Variants in DUT observed in about 807,000 individuals in gnomAD.
DUT encodes deoxyuridine 5'-triphosphate nucleotidohydrolase, mitochondrial.
Under a neutral mutation model 28.8 loss-of-function variants are expected in DUT, and 21 were observed. The observed-to-expected ratio is 0.73, with a 90% CI of 0.52 to 1.05. DUT has a LOEUF of 1.05. Among genes scored for constraint, DUT ranks in the 50% least tolerant of loss-of-function variants. DUT has a pLI of 0.00. For synonymous variants in DUT, 147 were observed against 143.7 expected (o/e 1.02, Z -0.17); for missense variants, 344 against 351.8 (o/e 0.98, Z 0.18).
intron 2 of DUT, among the ~76,000 whole-genome samples, chr15:48,332,962 C>T (rs985236964): frequency 1.3e-5 from 2 of 152,168 alleles, no homozygotes; most frequent in African/African-American, 2.4e-5. Flanking sequence ...GTCCTCACAA[C>T]AATCCTTAAC....
At chr15:48,332,219 C>T in intron 1 of DUT, 49 bp from the exon 2 acceptor site, 1 of 1,549,016 alleles carries the variant, frequency 6.5e-7, no homozygotes, top group Non-Finnish European at 8.7e-7. Context: ...CCTCTTCCCC[C>T]GGTGGTCTCC....
chr15:48,331,886 T>C (rs1443450031), intron 1 of DUT, 91 bp downstream of exon 1: 9 of 82,416 alleles, frequency 1.1e-4, no homozygotes, highest in East Asian at 2.9e-4. Context: ...GCGGTCCTTC[T>C]GCGCGCGGGG....
intron 2 of DUT, chr15:48,332,710 T>G (rs1293178182): frequency 8.4e-6 from 5 of 591,800 alleles, no homozygotes; most frequent in South Asian, 6.1e-5. Context: ...GGCCCGAGGG[T>G]GATGCTGTGC....
chr15:48,337,066 C>T (rs1371319752), intron 4 of DUT, among the ~76,000 whole-genome samples: 1 of 152,194 alleles, frequency 6.6e-6, no homozygotes, highest in African/African-American at 2.4e-5. Context: ...TATCCTAGAC[C>T]TGCCCCTTAG....
At chr15:48,335,816 T>G (rs2042469167) in intron 3 of DUT, among the ~76,000 whole-genome samples, 1 of 152,222 alleles carries the variant, frequency 6.6e-6, no homozygotes, top group East Asian at 1.9e-4. Context: ...TGGGAGTGGT[T>G]TAAGTTAGTT....
At chr15:48,332,222 T>C (rs1258896995) in intron 1 of DUT, 46 bp from the exon 2 acceptor site, 10 of 1,551,434 alleles carry the variant, frequency 6.4e-6, no homozygotes, top group African/African-American at 1.4e-5. Context: ...CTTCCCCCGG[T>C]GGTCTCCTCG....
chr15:48,342,325 T>C lies in DUT; in HGVS notation c.*247T>C. The C allele has an allele frequency of 3.9e-6, 1 of 258,938 alleles. No individual in the cohort carries two copies. Among genetic ancestry groups the C allele is most frequent in the Non-Finnish European group, 7.1e-6 (1 of 139,910 alleles). 16.0% of individuals were successfully genotyped at this position (258,938 alleles called of 1,614,324 possible). A position where few individuals can be genotyped will look rare whatever the true frequency, so the allele number is the denominator to read the frequency against. Reference sequence around the variant, plus strand: ...TTTTTCCGCAATTGAAGGTTGTATGTAAATCTGCTTTGTGGTGACCTGATG... The same window carrying C: ...TTTTTCCGCAATTGAAGGTTGTATGCAAATCTGCTTTGTGGTGACCTGATG... On this transcript the variant is annotated 3_prime_UTR_variant, in exon 7 of 7. Transcript: ENST00000331200.
At chr15:48,341,199 A>G in intron 4 of DUT, 90 bp from the exon 5 acceptor site, 1 of 757,608 alleles carries the variant, frequency 1.3e-6, no homozygotes. Context: ...TACAAATCTC[A>G]GAGCTACATG....
At chr15:48,335,916 C>A in intron 3 of DUT, 130 bp from the exon 4 acceptor site, 2 of 707,776 alleles carry the variant, frequency 2.8e-6, no homozygotes, top group South Asian at 1.9e-5. Context: ...AATTCAAAAC[C>A]ATGTGCTAAA....
intron 4 of DUT, among the ~76,000 whole-genome samples, chr15:48,337,293 C>T (rs1482294965): frequency 2.0e-5 from 3 of 152,136 alleles, no homozygotes; most frequent in African/African-American, 7.2e-5. Flanking sequence ...CAACTGTGGT[C>T]ATTTTGGGAC....
intron 4 of DUT, among the ~76,000 whole-genome samples, chr15:48,338,480 G>A (rs1038967625): frequency 3.3e-5 from 5 of 151,744 alleles, no homozygotes; most frequent in Admixed American, 6.6e-5. Context: ...GAACAAATGA[G>A]AAAAAAACAT....
intron 2 of DUT, 110 bp from the exon 3 acceptor site, chr15:48,334,307 A>G (rs775083161): frequency 1.5e-4 from 91 of 606,474 alleles, no homozygotes; most frequent in Admixed American, 6.4e-4. Flanking sequence ...CTAAAGTTGC[A>G]TTAATTCATT....
chr15:48,338,206 A>G (rs911721549), intron 4 of DUT, among the ~76,000 whole-genome samples: 2 of 151,954 alleles, frequency 1.3e-5, no homozygotes, highest in African/African-American at 2.4e-5. Flanking sequence ...AAAAAAAACT[A>G]TTGAGGGCCT....
upstream of DUT, chr15:48,331,191 G>A (rs755054857): frequency 1.2e-5 from 18 of 1,520,698 alleles, no homozygotes; most frequent in South Asian, 1.2e-5. Flanking sequence ...TGCCGCCCCA[G>A]GTAAATCAGT....
At chr15:48,341,625 C>T (rs1368209254) in intron 6 of DUT, 40 bp downstream of exon 6, 2 of 1,459,350 alleles carry the variant, frequency 1.4e-6, no homozygotes, top group Admixed American at 1.7e-5. Flanking sequence ...AGTAATATAA[C>T]ATCTTAAGTG....
chr15:48,341,229 C>T (rs2042530327), intron 4 of DUT, 60 bp from the exon 5 acceptor site: 1 of 993,828 alleles, frequency 1.0e-6, no homozygotes, highest in African/African-American at 1.6e-5. Context: ...TTGAGATAAT[C>T]TTACACCTCT....
chr15:48,333,448 T>G (rs2042441277), intron 2 of DUT, among the ~76,000 whole-genome samples: 1 of 152,168 alleles, frequency 6.6e-6, no homozygotes, highest in East Asian at 1.9e-4. Flanking sequence ...TTAAGTAGAC[T>G]CCTAATAAAC....
intron 6 of DUT, 121 bp from the exon 7 acceptor site, chr15:48,341,901 T>A: frequency 1.3e-6 from 1 of 778,642 alleles, no homozygotes; most frequent in East Asian, 2.8e-5. Context: ...GTAATCTCCC[T>A]TTTGAAAAGA....
chr15:48,341,782 GATA>G lies in DUT; in HGVS notation c.702+202_702+204del, dbSNP rs1332059141. ...GTAGCTATTATGTAGTATTACTTTG[GATA>G]ATAAGTTATTTAAACATACTGTGAA... On this transcript the variant is annotated intron_variant, in intron 6 of 6. Transcript: ENST00000331200. 3 of 586,410 alleles carry G rather than the reference GATA, an allele frequency of 5.1e-6. No individual in the cohort carries two copies. The East Asian group carries it at 8.9e-5, about 17-fold the overall frequency. The allele number at this position is 586,410 out of a possible 1,614,324, so 36.3% of individuals were successfully genotyped here.
Sources: gnomAD v4.1 joint callset for allele counts (sites outside exome capture counted in the v4.1 genomes callset) on GRCh38, gnomAD v4.1.1 for gene constraint, MANE v1.5 for transcripts, NCBI Gene and HGNC (gene_info 2026-07-23, HGNC 2026-07-21) for gene names.